DPPA2: variants seen among roughly 807,000 people sequenced by gnomAD.
The protein encoded by DPPA2 is developmental pluripotency associated 2.
DPPA2 carries 26 observed loss-of-function variants against 36.2 expected under a neutral mutation model. The observed-to-expected ratio is 0.72, with a 90% CI of 0.53 to 1.00. The LOEUF (loss-of-function observed/expected upper bound fraction) is 1.00. Ranked by LOEUF, DPPA2 falls within the 50% of genes least tolerant of loss-of-function variation. DPPA2 has a pLI of 0.00. For missense variants in DPPA2, 361 were observed against 365.1 expected (o/e 0.99, Z 0.09); for synonymous variants, 113 against 123.2 (o/e 0.92, Z 0.55).
At chr3:109,297,882 G>A (rs966732338) in intron 8 of DPPA2, among the ~76,000 whole-genome samples, 1 of 152,214 alleles carries the variant, frequency 6.6e-6, no homozygotes, top group Admixed American at 6.5e-5. Flanking sequence ...TAAGGCAGAA[G>A]GACAGCTTGA....
At chr3:109,301,481 A>G (rs891810805) in intron 7 of DPPA2, among the ~76,000 whole-genome samples, 10 of 151,946 alleles carry the variant, frequency 6.6e-5, no homozygotes, top group African/African-American at 1.2e-4. Flanking sequence ...GTGAAACCCC[A>G]TCTCCACTAA....
At chr3:109,300,821 CAAAAAA>C (rs767043097) in intron 7 of DPPA2, among the ~76,000 whole-genome samples, 1 of 68,086 alleles carries the variant, frequency 1.5e-5, no homozygotes, top group African/African-American at 4.8e-5. Context: ...GACTCAGTCT[CAAAAAA>C]AAAAAAAAAA....
intron 1 of DPPA2, among the ~76,000 whole-genome samples, chr3:109,315,533 C>G (rs2107323656): frequency 6.6e-6 from 1 of 152,274 alleles, no homozygotes; most frequent in East Asian, 1.9e-4. Flanking sequence ...AAATATGAAG[C>G]AGGTGTTCTC....
intron 6 of DPPA2, among the ~76,000 whole-genome samples, chr3:109,305,205 T>G (rs565123091): frequency 1.5e-3 from 221 of 152,256 alleles, no homozygotes; most frequent in African/African-American, 5.1e-3. Flanking sequence ...ATGGTTGCCA[T>G]TTTGAAATGC....
intron 8 of DPPA2, among the ~76,000 whole-genome samples, chr3:109,295,892 A>T (rs1707344023): frequency 6.6e-6 from 1 of 152,186 alleles, no homozygotes; most frequent in African/African-American, 2.4e-5. Flanking sequence ...AAATTAGAAG[A>T]AAATACTAAC....
intron 6 of DPPA2, among the ~76,000 whole-genome samples, chr3:109,305,164 A>C (rs187792689): frequency 2.0e-5 from 3 of 152,096 alleles, no homozygotes; most frequent in South Asian, 2.1e-4. Context: ...AATAATACTA[A>C]TAATAATAAA....
At chr3:109,312,076 C>T (rs1707720618) in intron 3 of DPPA2, among the ~76,000 whole-genome samples, 1 of 152,114 alleles carries the variant, frequency 6.6e-6, no homozygotes, top group Non-Finnish European at 1.5e-5. Flanking sequence ...GGCGTGGTGG[C>T]TAATGCCTGT....
intron 8 of DPPA2, among the ~76,000 whole-genome samples, chr3:109,297,489 A>G (rs1576814532): frequency 6.6e-6 from 1 of 151,650 alleles, no homozygotes; most frequent in Admixed American, 6.6e-5. Flanking sequence ...ACGCCACTGC[A>G]CTCCAGCCTG....
intron 1 of DPPA2, among the ~76,000 whole-genome samples, 170 bp downstream of exon 1, chr3:109,316,114 G>A (rs1707779987): frequency 1.3e-5 from 2 of 151,898 alleles, no homozygotes; most frequent in East Asian, 1.9e-4. Flanking sequence ...GCTGGAGTGC[G>A]GTGGCGCGAT....
chr3:109,309,540 C>A (rs1288329156), intron 3 of DPPA2, among the ~76,000 whole-genome samples: 1 of 151,378 alleles, frequency 6.6e-6, no homozygotes, highest in Non-Finnish European at 1.5e-5. Flanking sequence ...ATACAAAAAA[C>A]TTAGCCGGGC....
rs116588607 is a variant in DPPA2 at position 109,307,638 on chromosome 3, A to G, written c.658+394T>C. Among the ~76,000 whole-genome samples the G allele has an allele frequency of 7.6e-3, 1,153 of 151,684 alleles. 17 individuals carry two copies. Among genetic ancestry groups the G allele is most frequent in the African/African-American group, 0.026 (1,077 of 41,312 alleles). On this transcript the variant is annotated intron_variant, in intron 6 of 8. Transcript: ENST00000478945. ...AAAAAAAAAAAAAGAACAGGATACT[A>G]AGGCTTAAAGTAAGTAACTTGCCAA...
In DPPA2 at chr3:109,300,307, T is replaced by G. The variant is rs1026115294; in HGVS notation, c.*22+64A>C. 8.9e-6 allele frequency: 12 copies of G among 1,341,060 alleles called. No homozygotes were observed. The African/African-American group carries it at 1.6e-4, about 18-fold the overall frequency. 83.1% of individuals were successfully genotyped at this position (1,341,060 alleles called of 1,614,324 possible). ...GCAGAGAGTTTCTCTTGTATGTGAC[T>G]CTTTTCAATTGCCTTCAAATCAAAA... On this transcript the variant is annotated intron_variant, in intron 8 of 8. Transcript: ENST00000478945.
chr3:109,311,137 T>G (rs1288935326), intron 3 of DPPA2, among the ~76,000 whole-genome samples: 4 of 152,170 alleles, frequency 2.6e-5, no homozygotes, highest in Non-Finnish European at 1.5e-5. Context: ...TCCACGTTTC[T>G]TTTATGCTAC....
At position 109,313,606 on chromosome 3, in the gene DPPA2, G is replaced by A. The variant is rs554279676; in HGVS notation, c.33+904C>T. Reference sequence around the variant, plus strand: ...ATTAATTTTCCTGCTTTACAAATGAGGAAACTAAATGAGCAATGCCATAGA... The same window carrying A: ...ATTAATTTTCCTGCTTTACAAATGAAGAAACTAAATGAGCAATGCCATAGA... On this transcript the variant is annotated intron_variant, in intron 2 of 8. Coordinates refer to ENST00000478945, the MANE Select transcript of DPPA2 (RefSeq NM_138815.4). Among the ~76,000 whole-genome samples, 10 of 152,234 alleles carry A rather than the reference G, an allele frequency of 6.6e-5. No individual in the cohort carries two copies. In the East Asian group the frequency reaches 1.5e-3, roughly 24 times the overall value.
At chr3:109,311,195 G>C (rs1313055439) in intron 3 of DPPA2, among the ~76,000 whole-genome samples, 1 of 152,088 alleles carries the variant, frequency 6.6e-6, no homozygotes, top group African/African-American at 2.4e-5. Context: ...CAACTGAATA[G>C]AACATTATGT....
At chr3:109,305,462 G>A (rs1181726637) in intron 6 of DPPA2, among the ~76,000 whole-genome samples, 1 of 152,004 alleles carries the variant, frequency 6.6e-6, no homozygotes, top group African/African-American at 2.4e-5. Flanking sequence ...ATAGGAAACA[G>A]ACAAGCGTCT....
At chr3:109,315,803 A>G (rs1660082170) in intron 1 of DPPA2, among the ~76,000 whole-genome samples, 1 of 152,140 alleles carries the variant, frequency 6.6e-6, no homozygotes, top group African/African-American at 2.4e-5. Context: ...CCGAGGAAGG[A>G]CGACCACTTG....
chr3:109,312,755 A>G (rs969303456), intron 2 of DPPA2, 63 bp from the exon 3 acceptor site: 14 of 1,577,678 alleles, frequency 8.9e-6, no homozygotes, highest in Non-Finnish European at 1.2e-5. Context: ...GCTTGCTTTC[A>G]AGGCAAAAGT....
chr3:109,312,040 T>A (rs1231883702), intron 3 of DPPA2, among the ~76,000 whole-genome samples: 2 of 152,200 alleles, frequency 1.3e-5, no homozygotes, highest in African/African-American at 2.4e-5. Context: ...TTATTTTGTG[T>A]CTTAAAAGTA....
Sources: gnomAD v4.1 joint callset for allele counts (sites outside exome capture counted in the v4.1 genomes callset) on GRCh38, gnomAD v4.1.1 for gene constraint, MANE v1.5 for transcripts, NCBI Gene and HGNC (gene_info 2026-07-23, HGNC 2026-07-21) for gene names.